The following PCDHGA7 variants were observed in gnomAD, a reference collection of about 807,000 sequenced individuals.
PCDHGA7 encodes the protein protocadherin gamma subfamily A, 7.
Under a neutral mutation model 58.3 loss-of-function variants are expected in PCDHGA7, and 44 were observed. The observed-to-expected ratio is 0.75, with a 90% CI of 0.59 to 0.97. The LOEUF (loss-of-function observed/expected upper bound fraction) is 0.97. PCDHGA7 is among the 50% of genes least tolerant of loss of function. The pLI, the probability that PCDHGA7 is intolerant of heterozygous loss-of-function variation, is 0.00. For missense variants in PCDHGA7, 1,266 were observed against 1,188.7 expected (o/e 1.06, Z -0.96); for synonymous variants, 516 against 504.2 (o/e 1.02, Z -0.31).
In PCDHGA7 at chr5:141,431,501, C is replaced by G; in HGVS notation, c.2424+46178C>G. On this transcript the variant is annotated intron_variant, in intron 1 of 3. Coordinates refer to ENST00000518325, the MANE Select transcript of PCDHGA7 (RefSeq NM_018920.4). This position sits in a 1 kb window ranked among gnomAD's most constrained non-coding sequence, Gnocchi z 4.8. ...ACCAGCGTTTGCTCAGCCCGAGTAC[C>G]GCGCGAGCGTTCCGGAGAATCTGGC... is the stretch of plus-strand genomic sequence containing the variant. 1 of 1,614,010 alleles carries G rather than the reference C, an allele frequency of 6.2e-7. No homozygotes were observed. The highest frequency in any genetic ancestry group is 8.5e-7 in the Non-Finnish European group (1 of 1,180,034).
At position 141,431,110 on chromosome 5, in the gene PCDHGA7, T is replaced by G; in HGVS notation, c.2424+45787T>G. 1.2e-6 allele frequency: 2 copies of G among 1,614,168 alleles called. No individual in the cohort carries two copies. The highest frequency in any genetic ancestry group is 1.7e-6 in the Non-Finnish European group (2 of 1,180,012). On this transcript the variant is annotated intron_variant, in intron 1 of 3. Transcript: ENST00000518325. This position sits in a 1 kb window ranked among gnomAD's most constrained non-coding sequence, Gnocchi z 4.8. Reference sequence around the variant, plus strand: ...TGATGGAGGATAAAGTGAAAATATATGGAGTAGAAGTAGAAGTAAGGGACA... The same window carrying G: ...TGATGGAGGATAAAGTGAAAATATAGGGAGTAGAAGTAGAAGTAAGGGACA...
At chr5:141,398,908 G>C (rs2093725359) in intron 1 of PCDHGA7, 1 of 1,613,860 alleles carries the variant, frequency 6.2e-7, no homozygotes, top group South Asian at 1.1e-5. Flanking sequence ...AGGCACCACT[G>C]TGTTGCAAGT....
intron 1 of PCDHGA7, among the ~76,000 whole-genome samples, chr5:141,484,419 A>G (rs978469951): frequency 1.3e-5 from 2 of 152,206 alleles, no homozygotes; most frequent in Non-Finnish European, 2.9e-5. Flanking sequence ...TCCTGTTACA[A>G]TGAGAACATG....
In PCDHGA7 at chr5:141,491,425, C is replaced by CA; in HGVS notation, c.2425-3381dup. The CA allele has an allele frequency of 6.2e-7, 1 of 1,614,076 alleles. No homozygotes were observed. The highest frequency in any genetic ancestry group is 8.5e-7 in the Non-Finnish European group (1 of 1,179,996). On this transcript the variant is annotated intron_variant, in intron 1 of 3. Coordinates refer to ENST00000518325, the MANE Select transcript of PCDHGA7 (RefSeq NM_018920.4). The surrounding 1 kb of genome is among the most constrained non-coding windows in gnomAD (Gnocchi z 6.9). ...CGCAGACGGGGACGGGGGTGGAGGG[C>CA]AGTGCTGCAGGCGCCAGGACTCACC...
chr5:141,417,783 C>T, intron 1 of PCDHGA7: 1 of 1,474,286 alleles, frequency 6.8e-7, no homozygotes, highest in Non-Finnish European at 9.0e-7. Flanking sequence ...TGTCCTGGGC[C>T]GAATGCTCTT....
chr5:141,411,785 G>A (rs2095515346), intron 1 of PCDHGA7: 1 of 152,310 alleles, frequency 6.6e-6, no homozygotes, highest in South Asian at 2.1e-4. Context: ...TGGTGGCTGT[G>A]GTGGGAGAAT....
intron 3 of PCDHGA7, chr5:141,507,089 C>T (rs564539147): frequency 2.0e-5 from 3 of 152,298 alleles, no homozygotes; most frequent in Admixed American, 1.3e-4. Context: ...TAAGTTTATG[C>T]TCTTTCTACT....
chr5:141,439,618 C>T (rs964445098), intron 1 of PCDHGA7, among the ~76,000 whole-genome samples: 2 of 152,178 alleles, frequency 1.3e-5, no homozygotes, highest in East Asian at 3.8e-4. Context: ...GATAAATGAG[C>T]CAATCCCCAG....
At chr5:141,507,009 C>T (rs988626142) in intron 3 of PCDHGA7, 1 of 152,154 alleles carries the variant, frequency 6.6e-6, no homozygotes, top group South Asian at 2.1e-4. Context: ...ATGAGAGAAC[C>T]GAGAAGGCAC....
intron 1 of PCDHGA7, among the ~76,000 whole-genome samples, chr5:141,456,946 G>A (rs182320066): frequency 2.3e-4 from 35 of 152,284 alleles, no homozygotes; most frequent in Admixed American, 2.3e-3. Context: ...CTGGGCAACA[G>A]AGCAAAACTC....
Position 141,477,707 on chromosome 5 carries a change from C to T in PCDHGA7, c.2425-17100C>T. ...AGTGCCCCTAGACTATGAGGATCGG[C>T]GGGAATTTGAATTAACAGCTCATAT... On this transcript the variant is annotated intron_variant, in intron 1 of 3. Transcript: ENST00000518325. The surrounding 1 kb of genome is among the most constrained non-coding windows in gnomAD (Gnocchi z 4.9). 6.2e-7 allele frequency: 1 copy of T among 1,613,952 alleles called. No individual in the cohort carries two copies. Among genetic ancestry groups the T allele is most frequent in the South Asian group, 1.1e-5 (1 of 91,086 alleles).
At chr5:141,448,707 G>A (rs1455790773) in intron 1 of PCDHGA7, among the ~76,000 whole-genome samples, 4 of 152,228 alleles carry the variant, frequency 2.6e-5, no homozygotes, top group South Asian at 2.1e-4. Flanking sequence ...TTGGGAGGCC[G>A]AGGCGGGAGG....
intron 1 of PCDHGA7, chr5:141,419,158 C>G (rs757849297): frequency 6.2e-7 from 1 of 1,613,950 alleles, no homozygotes; most frequent in South Asian, 1.1e-5. Context: ...CTCCGTTATC[C>G]TCCAGCAAAA....
intron 1 of PCDHGA7, among the ~76,000 whole-genome samples, chr5:141,474,193 A>C (rs2099345142): frequency 6.6e-6 from 1 of 152,256 alleles, no homozygotes. Context: ...TACATTTTTA[A>C]AAGCTGATTT....
chr5:141,422,871 G>A (rs769543752), intron 1 of PCDHGA7: 1 of 1,614,216 alleles, frequency 6.2e-7, no homozygotes, highest in Admixed American at 1.7e-5. Context: ...GCAACGTGTC[G>A]CTGAGCCTGT....
intron 1 of PCDHGA7, chr5:141,475,845 G>C: frequency 4.5e-6 from 2 of 448,002 alleles, no homozygotes; most frequent in Non-Finnish European, 7.9e-6. Context: ...TGCTCAGAGA[G>C]CCCGGCGCTA....
At chr5:141,502,866 C>CTTTTTTTTTTTTTTTT (rs549047197) in intron 2 of PCDHGA7, among the ~76,000 whole-genome samples, 4 of 128,044 alleles carry the variant, frequency 3.1e-5, no homozygotes, top group African/African-American at 3.1e-5. Context: ...GACTCTCTGT[C>CTTTTTTTTTTTTTTTT]TTTTTTTTTT....
rs2099383865 is a variant in PCDHGA7, at chr5:141,476,005, A to G, written c.2425-18802A>G. 1 of 1,267,576 alleles carries G rather than the reference A, an allele frequency of 7.9e-7. No homozygotes were observed. Among genetic ancestry groups the G allele is most frequent in the East Asian group, 2.3e-5 (1 of 42,864 alleles). 78.5% of individuals were successfully genotyped at this position (1,267,576 alleles called of 1,614,324 possible). A position where few individuals can be genotyped will look rare whatever the true frequency, so the allele number is the denominator to read the frequency against. ...CGGCGAGCAAATCAACGGCATCCAG[A>G]AAGCCATGTCGGACTCGGCGCCCAG... On this transcript the variant is annotated intron_variant, in intron 1 of 3. Coordinates refer to ENST00000518325, the MANE Select transcript of PCDHGA7 (RefSeq NM_018920.4). This position sits in a 1 kb window ranked among gnomAD's most constrained non-coding sequence, Gnocchi z 7.6.
chr5:141,415,304 C>A, intron 1 of PCDHGA7: 1 of 1,614,188 alleles, frequency 6.2e-7, no homozygotes, highest in Non-Finnish European at 8.5e-7. Context: ...GTCTTCCTGG[C>A]CTTCGTCATC....
Sources: allele counts gnomAD v4.1 joint callset (sites outside exome capture counted in the v4.1 genomes callset), GRCh38; gene constraint gnomAD v4.1.1; non-coding constraint Gnocchi (gnomAD v3.1); transcripts MANE v1.5; gene names NCBI Gene and HGNC (gene_info 2026-07-23, HGNC 2026-07-21).